The following CFAP54 variants were observed in gnomAD, a reference collection of about 807,000 sequenced individuals.
CFAP54 encodes the protein cilia and flagella associated protein 54, also known as cilia- and flagella-associated protein 54.
In CFAP54, 290 loss-of-function variants were observed where a neutral mutation model predicts 370.4. The ratio of observed to expected loss-of-function variants is 0.78; its 90% CI spans 0.71 to 0.86. The LOEUF (loss-of-function observed/expected upper bound fraction) is 0.86. CFAP54 is among the 40% of genes least tolerant of loss of function. The pLI is 0.00. For missense variants in CFAP54, 3,399 were observed against 3,528.7 expected, an observed-to-expected ratio of 0.96 and a Z score of 0.93; for synonymous variants, 1,206 against 1,236.5, an observed-to-expected ratio of 0.98 and a Z score of 0.52.
Position 96,489,695 on chromosome 12 carries a change from C to T in CFAP54, c.86C>T (p.Thr29Ile). The change falls in exon 1 of 68, where the codon ACC becomes ATC. Residue 29 changes from threonine to isoleucine, a missense_variant. Around this residue, in one of 3 missense-constraint regions of CFAP54, gnomAD observed 559 missense variants for 576.7 expected, o/e 0.97. Transcript: ENST00000524981. ...CTGCCAGAACTGCCGCCGACCTCCA[C>T]CGCGACTTCGAGGTCGCCCCCAGAG... is the stretch of plus-strand genomic sequence containing the variant. ...GSLPELPPTS[T>I]ATSRSPPESK... The T allele has an allele frequency of 1.3e-6, 2 of 1,536,030 alleles. No individual in the cohort carries two copies. Among genetic ancestry groups the T allele is most frequent in the Non-Finnish European group, 1.7e-6 (2 of 1,146,806 alleles).
chr12:96,489,800 C>A lies in CFAP54; in HGVS notation c.191C>A (p.Pro64Gln), dbSNP rs1466864002. ...TTGCCCCTAGCCGTGTTTTATGGGC[C>A]GCTGGACGCGAAAAACCCGCTCCTG... ...DSLPLAVFYG[P>Q]LDAKNPLLAS... is the part of the protein sequence containing the mutation. Residue 64 changes from proline to glutamine, a missense_variant, in exon 1 of 68, where the codon CCG becomes CAG. This residue lies in a region of CFAP54 where 559 missense variants were observed against 576.7 expected (regional missense o/e 0.97). Transcript: ENST00000524981. 2 of 1,535,978 alleles carry A rather than the reference C, an allele frequency of 1.3e-6. No homozygotes were observed. The highest frequency in any genetic ancestry group is 1.7e-6 in the Non-Finnish European group (2 of 1,146,918).
intron 26 of CFAP54, among the ~76,000 whole-genome samples, chr12:96,617,414 A>C (rs1956431910): frequency 6.6e-6 from 1 of 152,196 alleles, no homozygotes; most frequent in African/African-American, 2.4e-5. Context: ...TCAAGGGTGC[A>C]CTTAGTCCAA....
At position 96,649,958 on chromosome 12, in the gene CFAP54, A is replaced by G. The variant is rs138853505; in HGVS notation, c.4758A>G (p.Thr1586=). Residue 1586 remains threonine, a synonymous_variant, in exon 35 of 68, where the codon ACA becomes ACG. Coordinates refer to ENST00000524981, the MANE Select transcript of CFAP54 (RefSeq NM_001306084.2). ...MSDENMSKTQ[T]VYDSDSQSGS... ...ATGAAAATATGTCCAAGACACAAACAGTTTATGACTCAGACTCTCAATCAG... is the reference window on the plus strand; with the variant it reads ...ATGAAAATATGTCCAAGACACAAACGGTTTATGACTCAGACTCTCAATCAG... The G allele has an allele frequency of 2.0e-5, 32 of 1,612,670 alleles. No homozygotes were observed. The African/African-American group carries it at 3.3e-4, about 17-fold the overall frequency.
At position 96,844,175 on chromosome 12, in the gene CFAP54, T is replaced by C. The variant is rs137951475; in HGVS notation, c.9171+15087T>C. Among the ~76,000 whole-genome samples, 226 of 152,280 alleles carry C rather than the reference T, an allele frequency of 1.5e-3. 1 individual carries two copies. Among genetic ancestry groups the C allele is most frequent in the Non-Finnish European group, 2.0e-3 (135 of 68,020 alleles). Reference sequence around the variant, plus strand: ...ATCCTAACCCCCAGAATCTGTTACCTTATATGCCAAAAGGGACTTTGCAGA... The same window carrying C: ...ATCCTAACCCCCAGAATCTGTTACCCTATATGCCAAAAGGGACTTTGCAGA... On this transcript the variant is annotated intron_variant, in intron 66 of 67. Coordinates refer to ENST00000524981, the MANE Select transcript of CFAP54 (RefSeq NM_001306084.2).
chr12:96,557,775 T>A (rs146846122), intron 17 of CFAP54, among the ~76,000 whole-genome samples: 1 of 152,078 alleles, frequency 6.6e-6, no homozygotes, highest in African/African-American at 2.4e-5. Flanking sequence ...AGCTTGGGAT[T>A]CTTAAGGCTT....
At chr12:96,503,155 C>T (rs1192750492) in intron 2 of CFAP54, among the ~76,000 whole-genome samples, 2 of 149,260 alleles carry the variant, frequency 1.3e-5, no homozygotes, top group Admixed American at 6.7e-5. Context: ...CTTTCTTTCC[C>T]TCCCTCCCTT....
chr12:96,873,951 C>G (rs1960225579), intron 67 of CFAP54, among the ~76,000 whole-genome samples: 1 of 152,080 alleles, frequency 6.6e-6, no homozygotes, highest in South Asian at 2.1e-4. Context: ...GAGTGTTAAT[C>G]AAAAAATTTG....
At chr12:96,616,797 G>A (rs1956424004) in intron 26 of CFAP54, among the ~76,000 whole-genome samples, 1 of 152,164 alleles carries the variant, frequency 6.6e-6, no homozygotes, top group African/African-American at 2.4e-5. Context: ...GTGATAAATG[G>A]CCATCTTGTG....
At chr12:96,837,121 C>T (rs1183965799) in intron 66 of CFAP54, among the ~76,000 whole-genome samples, 1 of 152,148 alleles carries the variant, frequency 6.6e-6, no homozygotes, top group African/African-American at 2.4e-5. Flanking sequence ...TGTGCCAGCC[C>T]AAAAGTATAA....
chr12:96,489,712 C>A lies in CFAP54; in HGVS notation c.103C>A (p.Pro35Thr). 6.5e-7 allele frequency: 1 copy of A among 1,536,068 alleles called. No homozygotes were observed. Among genetic ancestry groups the A allele is most frequent in the South Asian group, 1.2e-5 (1 of 84,046 alleles). Residue 35 changes from proline to threonine, a missense_variant, in exon 1 of 68, where the codon CCC becomes ACC. Transcript: ENST00000524981. ...PPTSTATSRS[P>T]PESKGSSRSS... The stretch of plus-strand genomic sequence containing the variant: ...GACCTCCACCGCGACTTCGAGGTCG[C>A]CCCCAGAGTCGAAGGGGAGCTCCCG...
intron 51 of CFAP54, among the ~76,000 whole-genome samples, chr12:96,740,921 A>G (rs543165211): frequency 2.6e-4 from 39 of 152,294 alleles, no homozygotes; most frequent in African/African-American, 8.2e-4. Context: ...AATCTACAGG[A>G]CAGCCCTCCA....
chr12:96,733,663 A>G (rs940676370), intron 50 of CFAP54, among the ~76,000 whole-genome samples: 1 of 150,842 alleles, frequency 6.6e-6, no homozygotes. Context: ...TCTTCTTTTG[A>G]GATTTTAGAC....
intron 55 of CFAP54, among the ~76,000 whole-genome samples, chr12:96,752,085 T>TGTGAGAGA: frequency 1.1e-5 from 1 of 90,624 alleles, no homozygotes; most frequent in African/African-American, 3.9e-5. Flanking sequence ...TCTTCCTGGA[T>TGTGAGAGA]GAGAGAGAGA....
At chr12:96,615,932 A>T (rs539218898) in intron 26 of CFAP54, among the ~76,000 whole-genome samples, 84 of 152,360 alleles carry the variant, frequency 5.5e-4, no homozygotes, top group African/African-American at 2.0e-3. Flanking sequence ...AAACTAGTTC[A>T]ACCATTGTGG....
intron 12 of CFAP54, among the ~76,000 whole-genome samples, chr12:96,537,971 C>T (rs1322933888): frequency 6.6e-6 from 1 of 152,006 alleles, no homozygotes; most frequent in Non-Finnish European, 1.5e-5. Context: ...ACCTGTATTC[C>T]TAGCTACTTG....
chr12:96,520,997 A>G (rs1955304270), intron 6 of CFAP54, among the ~76,000 whole-genome samples: 1 of 152,208 alleles, frequency 6.6e-6, no homozygotes, highest in African/African-American at 2.4e-5. Flanking sequence ...CTCATCATGT[A>G]TATATATAGT....
At position 96,720,460 on chromosome 12, in the gene CFAP54, AACAGAAGACC is replaced by A; in HGVS notation, c.6861_6870del (p.Glu2287AspfsTer36). 6.2e-7 allele frequency: 1 copy of A among 1,603,920 alleles called. No homozygotes were observed. Among genetic ancestry groups the A allele is most frequent in the South Asian group, 1.1e-5 (1 of 89,492 alleles). The stretch of plus-strand genomic sequence containing the variant: ...CTAAACTTCCTTCTGTCCGAGGTGG[AACAGAAGACC>A]CTGTCTCAGTGCTCCGCTGGCGAGC... On this transcript the variant is annotated frameshift_variant, in exon 50 of 68. Coordinates refer to ENST00000524981, the MANE Select transcript of CFAP54 (RefSeq NM_001306084.2). LOFTEE classifies it high-confidence loss of function.
At chr12:96,786,326 G>A (rs1038621145) in intron 61 of CFAP54, among the ~76,000 whole-genome samples, 2 of 151,642 alleles carry the variant, frequency 1.3e-5, no homozygotes, top group Non-Finnish European at 2.9e-5. Flanking sequence ...GATTACAGGC[G>A]TGTGCCACCA....
At chr12:96,615,798 C>G (rs1395526547) in intron 26 of CFAP54, among the ~76,000 whole-genome samples, 1 of 152,166 alleles carries the variant, frequency 6.6e-6, no homozygotes, top group East Asian at 1.9e-4. Flanking sequence ...AAATGCAAAT[C>G]AAAACCACAA....
Sources: allele counts gnomAD v4.1 joint callset (sites outside exome capture counted in the v4.1 genomes callset), GRCh38; gene constraint gnomAD v4.1.1; regional missense constraint gnomAD v4.1.1; transcripts MANE v1.5; gene names NCBI Gene and HGNC (gene_info 2026-07-23, HGNC 2026-07-21).